Variants in UPRT observed in about 807,000 individuals in gnomAD.
UPRT encodes the protein RP11-311P8.3.
UPRT carries 5 observed loss-of-function variants against 22.6 expected under a neutral mutation model. The ratio of observed to expected loss-of-function variants is 0.22; its 90% CI spans 0.12 to 0.47. UPRT has a LOEUF of 0.47. UPRT is among the 20% of genes least tolerant of loss of function. UPRT has a pLI of 0.99. For missense variants in UPRT, 181 were observed against 239.9 expected (o/e 0.75, Z 1.62); for synonymous variants, 77 against 87.7 (o/e 0.88, Z 0.68).
chrX:75,258,889 G>A (rs763778353), intron 4 of UPRT, among the ~76,000 whole-genome samples: 2 of 111,642 alleles, frequency 1.8e-5, no homozygotes, highest in African/African-American at 6.5e-5. Flanking sequence ...ACATCTGGCA[G>A]GCACCCCTCT....
intron 4 of UPRT, among the ~76,000 whole-genome samples, chrX:75,176,449 C>A (rs979939253): frequency 9.0e-6 from 1 of 111,687 alleles, no homozygotes; most frequent in Non-Finnish European, 1.9e-5. Context: ...GCCCTAGACC[C>A]TGTAGGACAT....
chrX:75,278,008 T>C (rs1168995906), intron 1 of UPRT, among the ~76,000 whole-genome samples: 14 of 111,882 alleles, frequency 1.3e-4, no homozygotes, highest in Non-Finnish European at 1.9e-4. Context: ...GGTCTAGTTA[T>C]GGAAGGTGCC....
At position 75,226,870 on chromosome X, in the gene UPRT, C is replaced by T. The variant is rs1331042504; in HGVS notation, c.-447+58991C>T. Among the ~76,000 whole-genome samples, 3 of 111,094 alleles carry T rather than the reference C, an allele frequency of 2.7e-5. No homozygotes were observed. In the East Asian group the frequency reaches 8.5e-4, roughly 31 times the overall value. The stretch of plus-strand genomic sequence containing the variant: ...GTTCACCACTCAACATCTGAGAACA[C>T]TGTCTGGCACAAAGTTGGTTCTCAA... On this transcript the variant is annotated intron_variant, in intron 4 of 13. Transcript: ENST00000652605.
chrX:75,303,479 C>A lies in UPRT; in HGVS notation c.898C>A (p.His300Asn), dbSNP rs752949905. 8.3e-7 allele frequency: 1 copy of A among 1,201,754 alleles called. No individual in the cohort carries two copies. Among genetic ancestry groups the A allele is most frequent in the East Asian group, 3.0e-5 (1 of 33,556 alleles). Residue 300 changes from histidine (H) to asparagine (N), a missense_variant, in exon 7 of 7, where the codon CAT (histidine) becomes AAT (asparagine). His to Asn is a moderately conservative substitution (Grantham distance 68, BLOSUM62 1). Around this residue, in one of 2 missense-constraint regions of UPRT, gnomAD observed 70 missense variants for 137.0 expected, o/e 0.51. Transcript: ENST00000373383. ...TGAAGTTCATCCTGTTGCACCTACA[C>A]ATTTTGGACAGAAATACTTTGGAAC... The part of the protein sequence containing the change: ...TTEVHPVAPT[H>N]FGQKYFGTD
At chrX:75,283,332 G>T (rs58947516) in intron 1 of UPRT, among the ~76,000 whole-genome samples, 1,985 of 110,901 alleles carry the variant, frequency 0.018, 49 homozygotes, top group African/African-American at 0.062. Context: ...TGTTGTCTAT[G>T]TACTGTTTTT....
At chrX:75,225,024 A>T (rs374200309) in intron 4 of UPRT, among the ~76,000 whole-genome samples, 1 of 110,514 alleles carries the variant, frequency 9.0e-6, no homozygotes, top group East Asian at 2.9e-4. Flanking sequence ...TAACACTTTC[A>T]CTCTAGGAGC....
chrX:75,261,490 C>T (rs1290925029), intron 4 of UPRT, among the ~76,000 whole-genome samples: 1 of 111,587 alleles, frequency 9.0e-6, no homozygotes, highest in Non-Finnish European at 1.9e-5. Context: ...TCTCTGAATA[C>T]ACCAATAACA....
At chrX:75,197,773 CAT>C (rs1440872381) in intron 4 of UPRT, among the ~76,000 whole-genome samples, 1 of 111,744 alleles carries the variant, frequency 8.9e-6, no homozygotes, top group Non-Finnish European at 1.9e-5. Flanking sequence ...AAATGAAAAA[CAT>C]AATGAGATAT....
intron 4 of UPRT, among the ~76,000 whole-genome samples, chrX:75,234,599 T>G (rs1302402992): frequency 1.1e-4 from 12 of 111,564 alleles, no homozygotes; most frequent in Admixed American, 6.7e-4. Context: ...TCAGACCACA[T>G]TGCAATCAAA....
chrX:75,244,283 G>A (rs1398109198), intron 4 of UPRT, among the ~76,000 whole-genome samples: 1 of 111,979 alleles, frequency 8.9e-6, no homozygotes, highest in Admixed American at 9.5e-5. Context: ...CTCTGAATGT[G>A]TTGGTAAGAT....
chrX:75,206,477 C>T (rs2082367314), intron 4 of UPRT, among the ~76,000 whole-genome samples: 1 of 110,525 alleles, frequency 9.0e-6, no homozygotes, highest in Admixed American at 9.6e-5. Context: ...TTTTTAAGAG[C>T]TGGAGTAGGG....
upstream of UPRT, among the ~76,000 whole-genome samples, chrX:75,272,322 A>ACG (rs2082612221): frequency 1.2e-5 from 1 of 81,851 alleles, no homozygotes; most frequent in African/African-American, 5.2e-5. Flanking sequence ...GTATATATAC[A>ACG]TATATATGTA....
chrX:75,273,320 AC>A (rs1312225180), upstream of UPRT, among the ~76,000 whole-genome samples: 1 of 109,205 alleles, frequency 9.2e-6, no homozygotes, highest in Non-Finnish European at 1.9e-5. Flanking sequence ...ATATCCCTGA[AC>A]TTAAAAGTTA....
intron 4 of UPRT, among the ~76,000 whole-genome samples, chrX:75,232,975 A>T (rs1227887690): frequency 8.9e-6 from 1 of 112,236 alleles, no homozygotes; most frequent in African/African-American, 3.2e-5. Flanking sequence ...GCTTCAGAAG[A>T]TCAAATTACT....
chrX:75,168,846 T>C (rs1374921394), intron 4 of UPRT, among the ~76,000 whole-genome samples: 2 of 111,750 alleles, frequency 1.8e-5, no homozygotes, highest in Non-Finnish European at 3.8e-5. Context: ...AGTTCTTTAG[T>C]GGTGATTTGT....
At position 75,303,710 on chromosome X, in the gene UPRT, C is replaced by T. The variant is rs1444787728; in HGVS notation, c.*199C>T. The T allele has an allele frequency of 4.4e-5, 13 of 295,572 alleles. No individual in the cohort carries two copies. In the South Asian group the frequency reaches 5.3e-4, roughly 12 times the overall value. 24.4% of individuals were successfully genotyped at this position (295,572 alleles called of 1,213,427 possible). On this transcript the variant is annotated 3_prime_UTR_variant, in exon 7 of 7. Transcript: ENST00000373383. ...ACCGAATTCAACAATGAAGTATATG[C>T]AACTCTTACAAAACATAAATTTTAA...
At chrX:75,159,508 T>C (rs1214973112) in intron 1 of UPRT, among the ~76,000 whole-genome samples, 1 of 112,065 alleles carries the variant, frequency 8.9e-6, no homozygotes, top group Middle Eastern at 4.2e-3. Flanking sequence ...AAAAAAGAAA[T>C]GCAGAATCTC....
intron 4 of UPRT, among the ~76,000 whole-genome samples, chrX:75,203,820 T>C (rs1162463677): frequency 2.7e-5 from 3 of 111,950 alleles, no homozygotes; most frequent in African/African-American, 9.8e-5. Flanking sequence ...ATGGCCCAAA[T>C]ATCCAGTGGG....
At chrX:75,284,792 G>A (rs1435791888) in intron 1 of UPRT, among the ~76,000 whole-genome samples, 2 of 111,869 alleles carry the variant, frequency 1.8e-5, no homozygotes, top group Non-Finnish European at 3.8e-5. Flanking sequence ...CCAGGAGGTG[G>A]CACTTTCCAG....
Sources: allele counts gnomAD v4.1 joint callset (sites outside exome capture counted in the v4.1 genomes callset), GRCh38; gene constraint gnomAD v4.1.1; regional missense constraint gnomAD v4.1.1; transcripts MANE v1.5; gene names NCBI Gene and HGNC (gene_info 2026-07-23, HGNC 2026-07-21).